The following GTF2B variants were observed in gnomAD, a reference collection of about 807,000 sequenced individuals.
GTF2B encodes the protein transcription initiation factor IIB.
A neutral mutation model predicts 34.6 loss-of-function variants in GTF2B; 20 were observed. That is an observed-to-expected ratio of 0.58 (90% CI 0.41 to 0.84). The LOEUF (loss-of-function observed/expected upper bound fraction) is 0.84, where lower values mean the gene tolerates loss of function less well. Among genes scored for constraint, GTF2B ranks in the 40% least tolerant of loss-of-function variants. GTF2B has a pLI of 0.00. For synonymous variants in GTF2B, 142 were observed against 132.4 expected, an observed-to-expected ratio of 1.07 and a Z score of -0.50; for missense variants, 237 against 393.3, an observed-to-expected ratio of 0.60 and a Z score of 3.36.
chr1:88,882,390 ATGTC>A (rs1020898863), intron 2 of GTF2B, among the ~76,000 whole-genome samples: 2 of 148,722 alleles, frequency 1.3e-5, no homozygotes, highest in Admixed American at 6.8e-5. Flanking sequence ...AATCTCATGT[ATGTC>A]TGTCTCACTC....
chr1:88,890,580 G>A, intron 1 of GTF2B, among the ~76,000 whole-genome samples: 1 of 152,278 alleles, frequency 6.6e-6, no homozygotes, highest in East Asian at 1.9e-4. Context: ...TGGATAACAG[G>A]AAACAGGTTG....
chr1:88,883,503 C>T (rs534820458), intron 2 of GTF2B, among the ~76,000 whole-genome samples: 1 of 152,078 alleles, frequency 6.6e-6, no homozygotes, highest in South Asian at 2.1e-4. Flanking sequence ...TCACTTGAGG[C>T]CAGGGTTCAA....
chr1:88,857,300 T>A lies in GTF2B; in HGVS notation c.723A>T (p.Glu241Asp), dbSNP rs138805281. 20,351 of 1,613,576 alleles carry A rather than the reference T, an allele frequency of 0.013. 170 individuals carry two copies. Among genetic ancestry groups the A allele is most frequent in the Non-Finnish European group, 0.015 (18,209 of 1,179,512 alleles). ...GGCTCCTCCCAGGAACCAAGTCCAG[T>A]TCCACAGCTTTACGGGCTATATGTG... The part of the protein sequence containing the change: ...AATHIARKAV[E>D]LDLVPGRSPI... Residue 241 changes from glutamate to aspartate, a missense_variant, in exon 6 of 7, where the codon GAA becomes GAT. Around this residue, in one of 3 missense-constraint regions of GTF2B, gnomAD observed 78 missense variants for 116.6 expected, o/e 0.67. Transcript: ENST00000370500.
At chr1:88,868,560 G>T (rs1054978049) in intron 2 of GTF2B, among the ~76,000 whole-genome samples, 1 of 152,148 alleles carries the variant, frequency 6.6e-6, no homozygotes, top group Non-Finnish European at 1.5e-5. Flanking sequence ...AGTATTAACT[G>T]AAACATCTTA....
chr1:88,881,259 C>G (rs1247685946), intron 2 of GTF2B, among the ~76,000 whole-genome samples: 3 of 151,590 alleles, frequency 2.0e-5, no homozygotes, highest in Non-Finnish European at 4.4e-5. Context: ...AGGTTTGTAG[C>G]CCAGAAGCAA....
chr1:88,867,769 T>G (rs887720502), intron 2 of GTF2B, among the ~76,000 whole-genome samples: 1 of 152,222 alleles, frequency 6.6e-6, no homozygotes, highest in African/African-American at 2.4e-5. Context: ...TGCTTTATAC[T>G]GTTTTTATAA....
chr1:88,873,954 G>T (rs1041936545), intron 2 of GTF2B, among the ~76,000 whole-genome samples: 10 of 152,186 alleles, frequency 6.6e-5, no homozygotes, highest in Non-Finnish European at 1.2e-4. Context: ...GGAAATGGAT[G>T]TTGGCAAATA....
At chr1:88,890,587 G>C (rs1007582157) in intron 1 of GTF2B, among the ~76,000 whole-genome samples, 1 of 152,152 alleles carries the variant, frequency 6.6e-6, no homozygotes. Flanking sequence ...CAGGAAACAG[G>C]TTGTCTTAGA....
At chr1:88,877,194 C>T (rs147507959) in intron 2 of GTF2B, among the ~76,000 whole-genome samples, 1 of 152,224 alleles carries the variant, frequency 6.6e-6, no homozygotes, top group Non-Finnish European at 1.5e-5. Flanking sequence ...ATTTCAGATT[C>T]GCTGGTATAA....
intron 2 of GTF2B, among the ~76,000 whole-genome samples, chr1:88,873,185 T>G (rs1371263165): frequency 7.4e-6 from 1 of 135,070 alleles, no homozygotes; most frequent in Non-Finnish European, 1.6e-5. Context: ...CCATTAAGTT[T>G]TTTTTTTTTT....
chr1:88,864,260 T>A, intron 2 of GTF2B, 146 bp from the exon 3 acceptor site: 1 of 668,352 alleles, frequency 1.5e-6, no homozygotes, highest in Non-Finnish European at 2.6e-6. Context: ...ATTTCAGACA[T>A]TTGTCCTAAA....
rs749892281 is a variant in GTF2B at position 88,857,333 on chromosome 1, C to T, written c.690G>A (p.Met230Ile). Residue 230 changes from methionine to isoleucine, a missense_variant, in exon 6 of 7, where the codon ATG becomes ATA. Physicochemically the swap from Met to Ile is conservative, Grantham distance 10. Coordinates refer to ENST00000370500, the MANE Select transcript of GTF2B (RefSeq NM_001514.6). ...SNLCLPKQVQ[M>I]AATHIARKAV... Reference sequence around the variant, plus strand: ...CTTTACGGGCTATATGTGTAGCTGCCATCTGTACTTGTTTAGGAAGACAAA... The same window carrying T: ...CTTTACGGGCTATATGTGTAGCTGCTATCTGTACTTGTTTAGGAAGACAAA... The T allele has an allele frequency of 1.9e-6, 3 of 1,613,530 alleles. No homozygotes were observed. Among genetic ancestry groups the T allele is most frequent in the Non-Finnish European group, 2.5e-6 (3 of 1,179,620 alleles).
chr1:88,875,337 CTGA>C (rs886203784), intron 2 of GTF2B, among the ~76,000 whole-genome samples: 32 of 152,292 alleles, frequency 2.1e-4, no homozygotes, highest in African/African-American at 7.5e-4. Context: ...TACTTTGCCC[CTGA>C]TGTTTAGACC....
intron 2 of GTF2B, among the ~76,000 whole-genome samples, chr1:88,884,853 C>T (rs1420880139): frequency 6.6e-6 from 1 of 152,204 alleles, no homozygotes; most frequent in African/African-American, 2.4e-5. Flanking sequence ...CCATACTCCA[C>T]CATGCCTTAA....
At chr1:88,882,774 A>G (rs972748700) in intron 2 of GTF2B, among the ~76,000 whole-genome samples, 1 of 152,202 alleles carries the variant, frequency 6.6e-6, no homozygotes, top group Non-Finnish European at 1.5e-5. Context: ...ATTTTAATTG[A>G]GCATATTTAT....
At chr1:88,866,583 T>C (rs1673565087) in intron 2 of GTF2B, among the ~76,000 whole-genome samples, 1 of 152,118 alleles carries the variant, frequency 6.6e-6, no homozygotes, top group African/African-American at 2.4e-5. Context: ...AATTTTTGTA[T>C]TTCTTGTAGA....
chr1:88,853,311 T>C lies in GTF2B; in HGVS notation c.853A>G (p.Ile285Val). ...TAGATCAGTCTATAGGACTGTCTGA[T>C]TGTAACATCAGCAACACCAGCAATA... is the stretch of plus-strand genomic sequence containing the variant. ...GDIAGVADVT[I>V]RQSYRLIYPR... Residue 285 changes from isoleucine to valine, a missense_variant, in exon 7 of 7, where the codon ATC becomes GTC. Physicochemically the swap from Ile to Val is conservative, Grantham distance 29 (BLOSUM62 3). Coordinates refer to ENST00000370500, the MANE Select transcript of GTF2B (RefSeq NM_001514.6). 2 of 1,612,300 alleles carry C rather than the reference T, an allele frequency of 1.2e-6. No homozygotes were observed. Among genetic ancestry groups the C allele is most frequent in the East Asian group, 2.2e-5 (1 of 44,860 alleles).
intron 1 of GTF2B, among the ~76,000 whole-genome samples, chr1:88,890,802 T>C (rs551063316): frequency 6.6e-6 from 1 of 152,288 alleles, no homozygotes; most frequent in South Asian, 2.1e-4. Flanking sequence ...CATTCTTAAA[T>C]ATATACTAAA....
At chr1:88,871,144 C>T (rs574677342) in intron 2 of GTF2B, among the ~76,000 whole-genome samples, 24 of 152,190 alleles carry the variant, frequency 1.6e-4, no homozygotes, top group Admixed American at 7.8e-4. Context: ...TCATGTTATC[C>T]GCAAACATTG....
Sources: gnomAD v4.1 joint callset for allele counts (sites outside exome capture counted in the v4.1 genomes callset) on GRCh38, gnomAD v4.1.1 for gene constraint, gnomAD v4.1.1 regional missense constraint, MANE v1.5 for transcripts, NCBI Gene and HGNC (gene_info 2026-07-23, HGNC 2026-07-21) for gene names.